GSK3B: variants seen among roughly 807,000 people sequenced by gnomAD.
GSK3B encodes the protein glycogen synthase kinase-3 beta.
GSK3B carries 15 observed loss-of-function variants against 56.4 expected under a neutral mutation model. The ratio of observed to expected loss-of-function variants is 0.27; its 90% CI spans 0.18 to 0.41. The LOEUF is 0.41. GSK3B is among the 10% of genes least tolerant of loss of function. GSK3B has a pLI of 1.00. For synonymous variants in GSK3B, 181 were observed against 188.9 expected, an observed-to-expected ratio of 0.96 and a Z score of 0.34; for missense variants, 300 against 513.4, an observed-to-expected ratio of 0.58 and a Z score of 4.02.
At chr3:119,840,875 T>C (rs2055762195) in intron 10 of GSK3B, among the ~76,000 whole-genome samples, 2 of 152,186 alleles carry the variant, frequency 1.3e-5, no homozygotes, top group African/African-American at 4.8e-5. Flanking sequence ...AAAGGAGAAA[T>C]ATTTCTTAAA....
intron 8 of GSK3B, among the ~76,000 whole-genome samples, chr3:119,864,505 G>GA (rs1183384437): frequency 6.6e-6 from 1 of 152,148 alleles, no homozygotes; most frequent in Non-Finnish European, 1.5e-5. Flanking sequence ...TGAAATTAAA[G>GA]AAAAATGAAA....
chr3:119,886,844 T>A (rs990917097), intron 7 of GSK3B, among the ~76,000 whole-genome samples: 7 of 151,906 alleles, frequency 4.6e-5, no homozygotes, highest in Non-Finnish European at 7.4e-5. Context: ...AAGACGGCAA[T>A]AATACAAACT....
At chr3:119,935,752 C>T (rs1438030309) in intron 3 of GSK3B, among the ~76,000 whole-genome samples, 1 of 152,030 alleles carries the variant, frequency 6.6e-6, no homozygotes, top group Non-Finnish European at 1.5e-5. Flanking sequence ...TTCTATGAAG[C>T]CAGTATTACC....
chr3:120,071,529 G>A (rs1351048336), intron 1 of GSK3B, among the ~76,000 whole-genome samples: 1 of 152,084 alleles, frequency 6.6e-6, no homozygotes, highest in Non-Finnish European at 1.5e-5. Flanking sequence ...GATTCTCATA[G>A]GAGCGTGAAC....
At chr3:119,887,248 G>C (rs892815378) in intron 7 of GSK3B, among the ~76,000 whole-genome samples, 1 of 151,852 alleles carries the variant, frequency 6.6e-6, no homozygotes, top group African/African-American at 2.4e-5. Flanking sequence ...ATGAAATAAC[G>C]AACACTGAAA....
rs9857226 is a variant in GSK3B at position 119,873,462 on chromosome 3, A to G, written c.909+2951T>C. On this transcript the variant is annotated intron_variant, in intron 8 of 10. Coordinates refer to ENST00000264235, the MANE Select transcript of GSK3B (RefSeq NM_001146156.2). Reference sequence around the variant, plus strand: ...ACTAACAGAAGACAGCAACAAAGGTAAAGTGGTTCCTGTTTCCAGACTCCT... The same window carrying G: ...ACTAACAGAAGACAGCAACAAAGGTGAAGTGGTTCCTGTTTCCAGACTCCT... 5.5e-3 allele frequency among the ~76,000 whole-genome samples: 834 copies of G among 152,246 alleles called. 6 individuals carry two copies. The highest frequency in any genetic ancestry group is 0.01 in the Non-Finnish European group (691 of 67,998).
chr3:119,931,971 C>A (rs2056950116), intron 3 of GSK3B, among the ~76,000 whole-genome samples: 1 of 152,164 alleles, frequency 6.6e-6, no homozygotes. Flanking sequence ...TAAAACCACA[C>A]ACTGAGTAAG....
chr3:120,050,820 T>C (rs74418009), intron 1 of GSK3B, among the ~76,000 whole-genome samples: 3,943 of 152,096 alleles, frequency 0.026, 176 homozygotes, highest in African/African-American at 0.089. Context: ...GTCAAAGCAG[T>C]AGAATTAATA....
intron 2 of GSK3B, among the ~76,000 whole-genome samples, chr3:119,948,236 A>C (rs2057119253): frequency 6.6e-6 from 1 of 152,200 alleles, no homozygotes; most frequent in Non-Finnish European, 1.5e-5. Context: ...TAAAGTATAC[A>C]CCTGAGAATC....
chr3:119,871,115 T>C (rs1435075788), intron 8 of GSK3B, among the ~76,000 whole-genome samples: 3 of 152,184 alleles, frequency 2.0e-5, no homozygotes, highest in Admixed American at 6.5e-5. Flanking sequence ...ATGGACAAAG[T>C]CTTAAAAAGA....
rs1208829143 is a variant in GSK3B at position 119,831,432 on chromosome 3, C to T, written c.1196-4577G>A. 5.9e-5 allele frequency among the ~76,000 whole-genome samples: 9 copies of T among 152,014 alleles called. No individual in the cohort carries two copies. In the South Asian group the frequency reaches 8.3e-4, roughly 14 times the overall value. ...CAGCACTTTGGGAGGCCGAGGTGGG[C>T]GGATCACAAAGTCAGGAGATAGAGA... On this transcript the variant is annotated intron_variant, in intron 10 of 10. Coordinates refer to ENST00000264235, the MANE Select transcript of GSK3B (RefSeq NM_001146156.2).
At chr3:119,931,568 CTG>C (rs1477707348) in intron 3 of GSK3B, among the ~76,000 whole-genome samples, 2 of 152,072 alleles carry the variant, frequency 1.3e-5, no homozygotes, top group African/African-American at 4.8e-5. Flanking sequence ...GTAGTCAAGA[CTG>C]TGCCACTGCA....
In GSK3B at chr3:119,905,827, C is replaced by G. The variant is rs749385392; in HGVS notation, c.741G>C (p.Leu247Phe). ...SIDVWSAGCV[L>F]AELLLGQPIF... is the part of the protein sequence containing the mutation. The stretch of plus-strand genomic sequence containing the variant: ...TTGGTTGTCCTAGTAACAGCTCAGC[C>G]AACACACAGCCAGCAGACCATACAT... The change falls in exon 7 of 11, where the codon TTG (leucine) becomes TTC (phenylalanine). Residue 247 changes from leucine to phenylalanine, a missense_variant. Around this residue, in one of 6 missense-constraint regions of GSK3B, gnomAD observed 39 missense variants for 154.6 expected, o/e 0.25. Transcript: ENST00000264235. 2 of 1,600,562 alleles carry G rather than the reference C, an allele frequency of 1.2e-6. No homozygotes were observed. The highest frequency in any genetic ancestry group is 3.3e-5 in the Admixed American group (2 of 59,992).
intron 2 of GSK3B, among the ~76,000 whole-genome samples, chr3:119,999,262 G>A (rs2057652662): frequency 6.6e-6 from 1 of 152,158 alleles, no homozygotes; most frequent in South Asian, 2.1e-4. Context: ...ATAGAAAGAG[G>A]ATGAATACTG....
intron 3 of GSK3B, among the ~76,000 whole-genome samples, chr3:119,942,912 A>G (rs1019345635): frequency 6.6e-6 from 1 of 152,234 alleles, no homozygotes; most frequent in Non-Finnish European, 1.5e-5. Flanking sequence ...ACTAAATCAT[A>G]GTTAGTTACT....
intron 9 of GSK3B, among the ~76,000 whole-genome samples, chr3:119,849,193 G>A (rs1319335119): frequency 6.6e-6 from 1 of 152,064 alleles, no homozygotes; most frequent in African/African-American, 2.4e-5. Context: ...AAATAGAAAG[G>A]CTTCTTTAAA....
rs904170201 is a variant in GSK3B at position 119,894,727 on chromosome 3, C to A, written c.813+11028G>T. Among the ~76,000 whole-genome samples, 54 of 152,072 alleles carry A rather than the reference C, an allele frequency of 3.6e-4. 1 individual carries two copies. Among genetic ancestry groups the A allele is most frequent in the Admixed American group, 3.5e-3 (54 of 15,266 alleles). On this transcript the variant is annotated intron_variant, in intron 7 of 10. Coordinates refer to ENST00000264235, the MANE Select transcript of GSK3B (RefSeq NM_001146156.2). ...TTTCTTGATGCTGTCTTCTAAAGCACAAGTTTTTAAATTTGACAAAGTCCA... is the reference window on the plus strand; with the variant it reads ...TTTCTTGATGCTGTCTTCTAAAGCAAAAGTTTTTAAATTTGACAAAGTCCA...
At chr3:119,976,825 A>G (rs1345184206) in intron 2 of GSK3B, among the ~76,000 whole-genome samples, 1 of 151,984 alleles carries the variant, frequency 6.6e-6, no homozygotes, top group African/African-American at 2.4e-5. Flanking sequence ...GAGTAACTTT[A>G]ACTCCTGATA....
intron 9 of GSK3B, among the ~76,000 whole-genome samples, chr3:119,848,089 C>T (rs1357255345): frequency 1.3e-5 from 2 of 152,158 alleles, no homozygotes; most frequent in African/African-American, 4.8e-5. Flanking sequence ...GGCTTTTTAT[C>T]TGCATGGGGG....
Sources: gnomAD v4.1 joint callset for allele counts (sites outside exome capture counted in the v4.1 genomes callset) on GRCh38, gnomAD v4.1.1 for gene constraint, gnomAD v4.1.1 regional missense constraint, MANE v1.5 for transcripts, NCBI Gene and HGNC (gene_info 2026-07-23, HGNC 2026-07-21) for gene names.